Variants in COL4A2 observed in about 807,000 individuals in gnomAD.
COL4A2 encodes collagen type IV alpha 2 chain.
In COL4A2, 99 loss-of-function variants were observed where a neutral mutation model predicts 200.2. The ratio of observed to expected loss-of-function variants is 0.49; its 90% CI spans 0.42 to 0.58. The LOEUF is 0.58. Among genes scored for constraint, COL4A2 ranks in the 20% least tolerant of loss-of-function variants. The pLI, the probability that COL4A2 is intolerant of heterozygous loss-of-function variation, is 0.00. For synonymous variants in COL4A2, 897 were observed against 900.6 expected (o/e 1.00, Z 0.07); for missense variants, 1,950 against 2,314.1 (o/e 0.84, Z 3.23).
intron 4 of COL4A2, among the ~76,000 whole-genome samples, chr13:110,406,554 C>T (rs998525401): frequency 6.6e-6 from 1 of 152,146 alleles, no homozygotes; most frequent in Non-Finnish European, 1.5e-5. Flanking sequence ...AGAAGTTTCT[C>T]TATGGGGGAT....
chr13:110,422,633 G>A (rs1880298073), intron 4 of COL4A2, among the ~76,000 whole-genome samples: 1 of 152,192 alleles, frequency 6.6e-6, no homozygotes, highest in Non-Finnish European at 1.5e-5. Context: ...AGGTTACCCT[G>A]AGGGAGATTT....
At chr13:110,469,906 C>CTTTTTTTTTT in intron 28 of COL4A2, among the ~76,000 whole-genome samples, 1 of 75,612 alleles carries the variant, frequency 1.3e-5, no homozygotes, top group East Asian at 4.7e-4. Context: ...GCATACACGT[C>CTTTTTTTTTT]TTTTTTTTTT....
chr13:110,416,012 G>A (rs1880028555), intron 4 of COL4A2, among the ~76,000 whole-genome samples: 1 of 152,262 alleles, frequency 6.6e-6, no homozygotes, highest in South Asian at 2.1e-4. Flanking sequence ...GCGCCTGTGA[G>A]TGAGGTCGTA....
chr13:110,462,548 T>C, intron 24 of COL4A2, 164 bp downstream of exon 24: 1 of 622,800 alleles, frequency 1.6e-6, no homozygotes, highest in Non-Finnish European at 2.7e-6. Flanking sequence ...GAAATCAGAC[T>C]TTTTAGGAAA....
intron 27 of COL4A2, 148 bp from the exon 28 acceptor site, chr13:110,469,069 C>A: frequency 1.3e-6 from 1 of 783,336 alleles, no homozygotes; most frequent in Non-Finnish European, 2.0e-6. Context: ...ATTCTGTAAG[C>A]CTGGAGGTGC....
intron 3 of COL4A2, among the ~76,000 whole-genome samples, chr13:110,329,716 G>A (rs1299321082): frequency 6.6e-6 from 1 of 152,160 alleles, no homozygotes; most frequent in Non-Finnish European, 1.5e-5. Flanking sequence ...TGTCCCAAGC[G>A]AATTATTCCA....
At chr13:110,334,430 G>A (rs939967528) in intron 3 of COL4A2, among the ~76,000 whole-genome samples, 9 of 152,318 alleles carry the variant, frequency 5.9e-5, no homozygotes, top group East Asian at 1.9e-4. Flanking sequence ...CAGAGCAGCC[G>A]TCTGCCTGGG....
intron 31 of COL4A2, 130 bp downstream of exon 31, chr13:110,480,520 C>A: frequency 1.0e-6 from 1 of 952,456 alleles, no homozygotes; most frequent in Non-Finnish European, 1.5e-6. Flanking sequence ...AGATTGGAGG[C>A]CTTGGGACTC....
chr13:110,357,314 C>T (rs997792702), intron 3 of COL4A2, among the ~76,000 whole-genome samples, 158 bp from the exon 4 acceptor site: 2 of 152,110 alleles, frequency 1.3e-5, no homozygotes, highest in Non-Finnish European at 2.9e-5. Flanking sequence ...CCAAAAACTG[C>T]TCTAAAAATT....
chr13:110,495,525 G>A (rs2139541604), intron 40 of COL4A2, 58 bp downstream of exon 40: 2 of 1,581,430 alleles, frequency 1.3e-6, no homozygotes, highest in East Asian at 2.2e-5. Flanking sequence ...CCCACCCAGA[G>A]GTGGGGCCAT....
At chr13:110,463,529 T>A (rs145381623) in intron 24 of COL4A2, among the ~76,000 whole-genome samples, 695 of 152,320 alleles carry the variant, frequency 4.6e-3, no homozygotes, top group Non-Finnish European at 6.4e-3. Flanking sequence ...CCTCATTCCA[T>A]AACCCATGTC....
At chr13:110,331,293 T>C (rs754879001) in intron 3 of COL4A2, among the ~76,000 whole-genome samples, 2 of 152,244 alleles carry the variant, frequency 1.3e-5, no homozygotes, top group Non-Finnish European at 2.9e-5. Flanking sequence ...ATTTGAGAGA[T>C]AGAAAACCTA....
At chr13:110,489,899 T>G in intron 36 of COL4A2, 114 bp downstream of exon 36, 2 of 1,086,458 alleles carry the variant, frequency 1.8e-6, no homozygotes. Flanking sequence ...CACTTGATAG[T>G]GAATGAGGTC....
chr13:110,478,272 T>A, intron 30 of COL4A2, 108 bp downstream of exon 30: 1 of 1,163,138 alleles, frequency 8.6e-7, no homozygotes, highest in Non-Finnish European at 1.2e-6. Flanking sequence ...TGGAACCCCT[T>A]AAGAGGTGCA....
chr13:110,512,055 A>G lies in COL4A2; in HGVS notation c.5003A>G (p.Tyr1668Cys), dbSNP rs749965555. ...GGAGGCCGCGGCACCTGCCACTACT[A>G]CGCCAACAAGTACAGCTTCTGGCTG... ...CNGGRGTCHYYANKYSFWLTT... is the reference protein window; with the variant it reads ...CNGGRGTCHYCANKYSFWLTT... The change falls in exon 48 of 48, where the codon TAC becomes TGC. Residue 1668 changes from tyrosine to cysteine, a missense_variant. By Grantham distance (194) the Tyr-to-Cys change is radical. Coordinates refer to ENST00000360467, the MANE Select transcript of COL4A2 (RefSeq NM_001846.4). 5.6e-6 allele frequency: 9 copies of G among 1,613,672 alleles called. No individual in the cohort carries two copies. In the South Asian group the frequency reaches 8.8e-5, roughly 16 times the overall value.
intron 45 of COL4A2, among the ~76,000 whole-genome samples, chr13:110,505,216 G>A (rs779936246): frequency 7.9e-5 from 12 of 152,162 alleles, no homozygotes; most frequent in Middle Eastern, 3.4e-3. Context: ...CGGGCGTGGT[G>A]GCGGGCGCCA....
At chr13:110,414,444 C>T (rs879603641) in intron 4 of COL4A2, among the ~76,000 whole-genome samples, 3 of 152,234 alleles carry the variant, frequency 2.0e-5, no homozygotes, top group Non-Finnish European at 2.9e-5. Flanking sequence ...GGTACTTTGG[C>T]GGCCAGCCCA....
rs201790726 is a variant in COL4A2, at chr13:110,506,499, G to C, written c.4487G>C (p.Ser1496Thr). 331 of 1,612,770 alleles carry C rather than the reference G, an allele frequency of 2.1e-4. No individual in the cohort carries two copies. The highest frequency in any genetic ancestry group is 2.7e-4 in the Non-Finnish European group (320 of 1,179,780). Residue 1496 changes from serine to threonine, a missense_variant, in exon 46 of 48, where the codon AGC becomes ACC. This residue lies in a region of COL4A2 where 1,385 missense variants were observed against 1,720.5 expected (regional missense o/e 0.80). Coordinates refer to ENST00000360467, the MANE Select transcript of COL4A2 (RefSeq NM_001846.4). The part of the protein sequence containing the change: ...VSIGYLLVKH[S>T]QTDQEPMCPV... ...ATCGGCTACCTCCTGGTGAAGCACA[G>C]CCAGACGGACCAGGAGCCCATGTGC... is the stretch of plus-strand genomic sequence containing the variant.
chr13:110,313,354 G>A (rs1343590523), intron 3 of COL4A2, among the ~76,000 whole-genome samples: 4 of 152,268 alleles, frequency 2.6e-5, no homozygotes, highest in African/African-American at 2.4e-5. Flanking sequence ...AGGAGAAGGC[G>A]GCATCTAATT....
Sources: allele counts gnomAD v4.1 joint callset (sites outside exome capture counted in the v4.1 genomes callset), GRCh38; gene constraint gnomAD v4.1.1; regional missense constraint gnomAD v4.1.1; transcripts MANE v1.5; gene names NCBI Gene and HGNC (gene_info 2026-07-23, HGNC 2026-07-21).